SLC3A1: variants seen among roughly 807,000 people sequenced by gnomAD.
SLC3A1 encodes the protein solute carrier family 3 member 1.
A neutral mutation model predicts 60.3 loss-of-function variants in SLC3A1; 78 were observed. The observed-to-expected ratio is 1.29, with a 90% confidence interval of 1.08 to 1.56. The LOEUF (loss-of-function observed/expected upper bound fraction) is 1.56, where lower values mean the gene tolerates loss of function less well. SLC3A1 is among the 40% of genes most tolerant of loss of function. The probability of loss-of-function intolerance (pLI) is 0.00; values close to 1 mark genes in which losing one functional copy is unlikely to be tolerated. For synonymous variants in SLC3A1, 392 were observed against 307.9 expected, an observed-to-expected ratio of 1.27 and a Z score of -2.86; for missense variants, 1,172 against 858.9, an observed-to-expected ratio of 1.36 and a Z score of -4.56.
chr2:44,294,767 G>T (rs1042232082), intron 4 of SLC3A1, among the ~76,000 whole-genome samples: 2 of 152,048 alleles, frequency 1.3e-5, no homozygotes, highest in Non-Finnish European at 2.9e-5. Flanking sequence ...ACATGAGTAG[G>T]GTCAGTTTTC....
chr2:44,318,739 G>C (rs568400508), intron 9 of SLC3A1: 1 of 152,102 alleles, frequency 6.6e-6, no homozygotes, highest in East Asian at 1.9e-4. Context: ...TCTTGTAATT[G>C]AATAAAAAAT....
At chr2:44,291,933 T>C (rs574829396) in intron 4 of SLC3A1, among the ~76,000 whole-genome samples, 1 of 152,296 alleles carries the variant, frequency 6.6e-6, no homozygotes, top group South Asian at 2.1e-4. Context: ...TCTGAACCTC[T>C]TGGGGCTTGA....
chr2:44,313,683 G>A (rs1183919777), intron 8 of SLC3A1, 152 bp from the exon 9 acceptor site: 10 of 727,772 alleles, frequency 1.4e-5, no homozygotes, highest in African/African-American at 3.5e-5. Context: ...TTTATGTACC[G>A]AAAGTTGAGG....
At chr2:44,302,572 C>G (rs889413694) in intron 6 of SLC3A1, among the ~76,000 whole-genome samples, 2 of 152,180 alleles carry the variant, frequency 1.3e-5, no homozygotes, top group African/African-American at 4.8e-5. Context: ...CTCCAGAGAC[C>G]ATGCACTTAT....
intron 3 of SLC3A1, among the ~76,000 whole-genome samples, chr2:44,283,873 T>TTTTTTTTTTTTTTTTTTTTTTTTTTTG (rs1671552605): frequency 6.6e-6 from 1 of 151,886 alleles, no homozygotes; most frequent in African/African-American, 2.4e-5. Flanking sequence ...ATAGTCTTCT[T>TTTTTTTTTTTTTTTTTTTTTTTTTTTG]AACTAACTTT....
intron 4 of SLC3A1, among the ~76,000 whole-genome samples, chr2:44,293,821 C>T (rs1426372326): frequency 6.6e-6 from 1 of 152,170 alleles, no homozygotes; most frequent in Non-Finnish European, 1.5e-5. Context: ...CACTTACCAA[C>T]CATGACCTTG....
Position 44,280,895 on chromosome 2 carries a change from G to A in SLC3A1, c.610G>A (p.Gly204Ser). ...TCTGGTTGCAGCCATACATGATAAA[G>A]GTAAGTTGAATGGAAAGTGGGCAAG... ...ENLVAAIHDK[G>S]LKLIIDFIPN... Residue 204 changes from glycine (G) to serine (S), a missense_variant and splice_region_variant, in exon 2 of 10, where the codon GGT becomes AGT. Gly to Ser is a moderately conservative substitution (Grantham distance 56). Coordinates refer to ENST00000260649, the MANE Select transcript of SLC3A1 (RefSeq NM_000341.4). 1 of 1,613,900 alleles carries A rather than the reference G, an allele frequency of 6.2e-7. No individual in the cohort carries two copies. Among genetic ancestry groups the A allele is most frequent in the Non-Finnish European group, 8.5e-7 (1 of 1,179,838 alleles).
At chr2:44,300,912 C>T in intron 5 of SLC3A1, 91 bp from the exon 6 acceptor site, 2 of 1,498,196 alleles carry the variant, frequency 1.3e-6, no homozygotes, top group South Asian at 2.3e-5. Flanking sequence ...TGGCTTGAGC[C>T]CTTTGAAGAG....
At chr2:44,287,792 C>A (rs1408149643) in intron 4 of SLC3A1, among the ~76,000 whole-genome samples, 1 of 152,098 alleles carries the variant, frequency 6.6e-6, no homozygotes, top group Non-Finnish European at 1.5e-5. Flanking sequence ...GAAGGAGACC[C>A]TAACAGAACG....
Position 44,275,601 on chromosome 2 carries a change from C to T in SLC3A1, c.66C>T (p.Asn22=), listed in dbSNP as rs149507807. Residue 22 remains asparagine (N), a synonymous_variant, in exon 1 of 10, where the codon AAC becomes AAT. Coordinates refer to ENST00000260649, the MANE Select transcript of SLC3A1 (RefSeq NM_000341.4). ...EMSMKGCQTN[N]GFVHNEDILE... ...GTATGAAGGGATGCCAGACAAACAACGGGTTTGTCCATAATGAAGACATTC... is the reference window on the plus strand; with the variant it reads ...GTATGAAGGGATGCCAGACAAACAATGGGTTTGTCCATAATGAAGACATTC... The T allele has an allele frequency of 2.3e-4, 374 of 1,613,790 alleles. 2 individuals are homozygous for T. Among genetic ancestry groups the T allele is most frequent in the Non-Finnish European group, 6.7e-5 (79 of 1,179,802 alleles).
intron 9 of SLC3A1, chr2:44,316,247 A>T (rs1672447618): frequency 6.6e-6 from 1 of 152,232 alleles, no homozygotes; most frequent in South Asian, 2.1e-4. Context: ...AAGCAGAGAA[A>T]ATTATAGCAA....
intron 7 of SLC3A1, 119 bp from the exon 8 acceptor site, chr2:44,312,467 C>A: frequency 1.9e-6 from 2 of 1,053,934 alleles, no homozygotes; most frequent in Non-Finnish European, 2.9e-6. Flanking sequence ...TCCAGGCTTG[C>A]TAGTACCAAG....
At chr2:44,290,560 G>C (rs565458180) in intron 4 of SLC3A1, among the ~76,000 whole-genome samples, 26 of 152,286 alleles carry the variant, frequency 1.7e-4, no homozygotes, top group African/African-American at 6.3e-4. Flanking sequence ...TCATGAACAT[G>C]AGATGTCTTT....
chr2:44,319,905 G>C (rs1322809228), intron 9 of SLC3A1: 1 of 341,860 alleles, frequency 2.9e-6, no homozygotes, highest in Non-Finnish European at 5.4e-6. Flanking sequence ...ATGGACATTT[G>C]CTTTGGGACT....
In SLC3A1 at chr2:44,289,691, C is replaced by T. The variant is rs543844414; in HGVS notation, c.891+3534C>T. 5.9e-5 allele frequency among the ~76,000 whole-genome samples: 9 copies of T among 152,102 alleles called. 1 individual carries two copies. Among genetic ancestry groups the T allele is most frequent in the East Asian group, 1.9e-4 (1 of 5,178 alleles). ...TGTTACCCAGGCTGGGGTGCAGTGG[C>T]GCAATCTCAGCTCACTGCAACCTCC... On this transcript the variant is annotated intron_variant, in intron 4 of 9. Transcript: ENST00000260649.
At chr2:44,318,230 A>T (rs977028829) in intron 9 of SLC3A1, 1 of 361,140 alleles carries the variant, frequency 2.8e-6, no homozygotes, top group Non-Finnish European at 5.5e-6. Flanking sequence ...AGCTGGGATT[A>T]CAGGTGCACG....
chr2:44,311,302 C>T (rs551621492), intron 7 of SLC3A1, among the ~76,000 whole-genome samples: 1 of 152,234 alleles, frequency 6.6e-6, no homozygotes, highest in East Asian at 1.9e-4. Context: ...ATTCTTCAGG[C>T]ACAGGTTTTT....
At chr2:44,280,537 C>A (rs1248051936) in intron 1 of SLC3A1, among the ~76,000 whole-genome samples, 179 bp from the exon 2 acceptor site, 1 of 152,174 alleles carries the variant, frequency 6.6e-6, no homozygotes. Context: ...TACACCCGAC[C>A]TAATTTGATA....
At chr2:44,313,265 A>G (rs920595956) in intron 8 of SLC3A1, among the ~76,000 whole-genome samples, 1 of 152,180 alleles carries the variant, frequency 6.6e-6, no homozygotes, top group Non-Finnish European at 1.5e-5. Context: ...TTGTAGCTAC[A>G]GATTTCAGAA....
Sources: allele counts gnomAD v4.1 joint callset (sites outside exome capture counted in the v4.1 genomes callset), GRCh38; gene constraint gnomAD v4.1.1; transcripts MANE v1.5; gene names NCBI Gene and HGNC (gene_info 2026-07-23, HGNC 2026-07-21).